Variants in CSMD1 observed in about 807,000 individuals in gnomAD.
CSMD1 encodes the protein CUB and Sushi multiple domains 1.
In CSMD1, 213 loss-of-function variants were observed where a neutral mutation model predicts 417.5. The observed-to-expected ratio is 0.51, with a 90% CI of 0.46 to 0.57. The LOEUF (loss-of-function observed/expected upper bound fraction) is 0.57. Among genes scored for constraint, CSMD1 ranks in the 20% least tolerant of loss-of-function variants. CSMD1 has a pLI of 0.00. For missense variants in CSMD1, 6,923 were observed against 4,529.7 expected (o/e 1.53, Z -15.17); for synonymous variants, 2,862 against 1,736.8 (o/e 1.65, Z -16.11).
chr8:3,222,315 A>T (rs890391038), intron 28 of CSMD1, among the ~76,000 whole-genome samples: 7 of 142,544 alleles, frequency 4.9e-5, no homozygotes, highest in Admixed American at 2.1e-4. Flanking sequence ...TTTTGTGTTC[A>T]ATTTCATTTT....
At position 3,772,460 on chromosome 8, in the gene CSMD1, C is replaced by T. The variant is rs1202353347; in HGVS notation, c.819-18418G>A. On this transcript the variant is annotated intron_variant, in intron 5 of 69. Coordinates refer to ENST00000635120, the MANE Select transcript of CSMD1 (RefSeq NM_033225.6). ...ACATTTATATATACACATATATATA[C>T]ATATATACACATATATATACATATA... Among the ~76,000 whole-genome samples the T allele has an allele frequency of 9.7e-5, 6 of 61,722 alleles. 1 individual carries two copies. The highest frequency in any genetic ancestry group is 3.3e-4 in the Admixed American group (2 of 6,056). 40.5% of individuals were successfully genotyped at this position (61,722 alleles called of 152,430 possible).
At chr8:4,896,883 A>C (rs1804527231) in intron 1 of CSMD1, among the ~76,000 whole-genome samples, 1 of 152,078 alleles carries the variant, frequency 6.6e-6, no homozygotes, top group South Asian at 2.1e-4. Context: ...CCAAGGCAGG[A>C]AAAAGTAACA....
intron 7 of CSMD1, chr8:3,700,427 T>C (rs887786570): frequency 1.3e-5 from 2 of 152,174 alleles, no homozygotes; most frequent in Non-Finnish European, 2.9e-5. Flanking sequence ...TAATATGTTA[T>C]AATAACTTAA....
chr8:3,343,235 G>C lies in CSMD1; in HGVS notation c.3631+59C>G, dbSNP rs144180140. 2.2e-5 allele frequency: 31 copies of C among 1,422,328 alleles called. No individual in the cohort carries two copies. The East Asian group carries it at 4.4e-4, about 20-fold the overall frequency. The allele number at this position is 1,422,328 out of a possible 1,614,324, so 88.1% of individuals were successfully genotyped here. A position where few individuals can be genotyped will look rare whatever the true frequency, so the allele number is the denominator to read the frequency against. On this transcript the variant is annotated intron_variant, in intron 23 of 69. Coordinates refer to ENST00000635120, the MANE Select transcript of CSMD1 (RefSeq NM_033225.6). ...ATATTTAAAACTTAATATAAGCCAAGTATCAGATATGTCCTGACAAAATGA... is the reference window on the plus strand; with the variant it reads ...ATATTTAAAACTTAATATAAGCCAACTATCAGATATGTCCTGACAAAATGA...
intron 10 of CSMD1, among the ~76,000 whole-genome samples, chr8:3,501,491 C>G (rs921382123): frequency 2.0e-5 from 3 of 152,112 alleles, no homozygotes; most frequent in Non-Finnish European, 4.4e-5. Flanking sequence ...CAATATAAAT[C>G]AGTACCAAGA....
chr8:4,737,700 G>C (rs181763035), intron 1 of CSMD1, among the ~76,000 whole-genome samples: 3 of 152,224 alleles, frequency 2.0e-5, no homozygotes, highest in East Asian at 3.9e-4. Flanking sequence ...CATTTAATTC[G>C]GCTGCTGAAG....
chr8:3,449,084 C>T (rs1815516969), intron 12 of CSMD1, among the ~76,000 whole-genome samples: 3 of 151,768 alleles, frequency 2.0e-5, no homozygotes, highest in South Asian at 4.2e-4. Flanking sequence ...TGCCTGTCTT[C>T]CAATCCATGA....
intron 26 of CSMD1, among the ~76,000 whole-genome samples, chr8:3,279,595 T>G (rs1194700885): frequency 6.6e-6 from 1 of 152,150 alleles, no homozygotes; most frequent in Non-Finnish European, 1.5e-5. Context: ...GAAGGGATTA[T>G]ATTAGTCTGC....
At chr8:4,851,994 T>C (rs1801508528) in intron 1 of CSMD1, among the ~76,000 whole-genome samples, 1 of 152,228 alleles carries the variant, frequency 6.6e-6, no homozygotes, top group Non-Finnish European at 1.5e-5. Context: ...TTAATCTCTC[T>C]CTGGACGCTT....
chr8:3,957,547 G>C (rs56011244), intron 5 of CSMD1, among the ~76,000 whole-genome samples: 22,296 of 152,018 alleles, frequency 0.15, 1,968 homozygotes, highest in African/African-American at 0.24. Flanking sequence ...AGCTGGGCAT[G>C]GCGGGGCATA....
At chr8:3,504,126 G>C (rs1796724434) in intron 10 of CSMD1, among the ~76,000 whole-genome samples, 1 of 152,082 alleles carries the variant, frequency 6.6e-6, no homozygotes, top group South Asian at 2.1e-4. Flanking sequence ...AATGATGAAT[G>C]TTTGAAGTGA....
chr8:3,990,308 A>C (rs371295415), intron 5 of CSMD1, among the ~76,000 whole-genome samples: 8 of 152,226 alleles, frequency 5.3e-5, no homozygotes, highest in African/African-American at 1.7e-4. Context: ...ATTTTTCAAT[A>C]AAATGAGGTT....
At chr8:3,600,528 T>C (rs1243605960) in intron 8 of CSMD1, among the ~76,000 whole-genome samples, 1 of 152,178 alleles carries the variant, frequency 6.6e-6, no homozygotes, top group Non-Finnish European at 1.5e-5. Flanking sequence ...TCAGAGACTA[T>C]GAAATGTCAT....
intron 1 of CSMD1, among the ~76,000 whole-genome samples, chr8:4,956,529 T>C (rs1287981028): frequency 1.3e-5 from 2 of 149,112 alleles, no homozygotes; most frequent in African/African-American, 4.9e-5. Flanking sequence ...ATTTTAAATA[T>C]ATTATAAAAT....
At chr8:4,649,772 C>G (rs1803768752) in intron 1 of CSMD1, among the ~76,000 whole-genome samples, 1 of 152,206 alleles carries the variant, frequency 6.6e-6, no homozygotes, top group African/African-American at 2.4e-5. Context: ...ATTTCAGAAA[C>G]TAATAATGAT....
At chr8:4,557,314 T>C (rs1229012093) in intron 2 of CSMD1, among the ~76,000 whole-genome samples, 1 of 152,146 alleles carries the variant, frequency 6.6e-6, no homozygotes, top group Non-Finnish European at 1.5e-5. Flanking sequence ...AATCACTAGG[T>C]TCTAACTGAA....
At chr8:3,915,444 G>C (rs1189049429) in intron 5 of CSMD1, among the ~76,000 whole-genome samples, 7 of 149,210 alleles carry the variant, frequency 4.7e-5, no homozygotes, top group Non-Finnish European at 1.0e-4. Flanking sequence ...TAGCATAGTA[G>C]GTTCGGAAGA....
chr8:4,371,327 C>G (rs1271866438), intron 3 of CSMD1, among the ~76,000 whole-genome samples: 2 of 152,026 alleles, frequency 1.3e-5, no homozygotes, highest in African/African-American at 4.8e-5. Context: ...CTACTGGCAA[C>G]AGGCAAGTTA....
intron 5 of CSMD1, among the ~76,000 whole-genome samples, chr8:3,927,150 G>A (rs1338910772): frequency 1.3e-5 from 2 of 151,648 alleles, no homozygotes; most frequent in East Asian, 1.9e-4. Context: ...AAAAGATAGG[G>A]TTGTCATAAA....
Sources: gnomAD v4.1 joint callset for allele counts (sites outside exome capture counted in the v4.1 genomes callset) on GRCh38, gnomAD v4.1.1 for gene constraint, MANE v1.5 for transcripts, NCBI Gene and HGNC (gene_info 2026-07-23, HGNC 2026-07-21) for gene names.